Variants in BTBD9 observed in about 807,000 individuals in gnomAD.
BTBD9 encodes BTB/POZ domain-containing protein 9.
Under a neutral mutation model 64.3 loss-of-function variants are expected in BTBD9, and 49 were observed. The ratio of observed to expected loss-of-function variants is 0.76; its 90% CI spans 0.61 to 0.97. The LOEUF is 0.97. Among genes scored for constraint, BTBD9 ranks in the 50% least tolerant of loss-of-function variants. BTBD9 has a pLI of 0.00. For missense variants in BTBD9, 598 were observed against 762.1 expected (o/e 0.78, Z 2.53); for synonymous variants, 260 against 274.7 (o/e 0.95, Z 0.53).
At chr6:38,376,141 A>AT (rs910650884) in intron 6 of BTBD9, among the ~76,000 whole-genome samples, 11 of 152,092 alleles carry the variant, frequency 7.2e-5, no homozygotes, top group Non-Finnish European at 1.6e-4. Flanking sequence ...CCCATGTGGC[A>AT]TTTTTTTCCC....
chr6:38,628,332 T>C (rs183905086), intron 1 of BTBD9, among the ~76,000 whole-genome samples: 3 of 152,330 alleles, frequency 2.0e-5, no homozygotes, highest in Admixed American at 2.0e-4. Flanking sequence ...CTAACTCCTA[T>C]AACTCTGAAT....
chr6:38,511,673 C>A (rs1409980874), intron 6 of BTBD9, among the ~76,000 whole-genome samples: 1 of 151,970 alleles, frequency 6.6e-6, no homozygotes, highest in Non-Finnish European at 1.5e-5. Context: ...TGAATCATAT[C>A]TAAATTATGA....
At chr6:38,556,935 C>T (rs1775050910) in intron 6 of BTBD9, among the ~76,000 whole-genome samples, 1 of 136,812 alleles carries the variant, frequency 7.3e-6, no homozygotes. Flanking sequence ...ATCGCTAGAA[C>T]CTGGGAGGTG....
At chr6:38,244,653 TA>T (rs1764120854) in intron 9 of BTBD9, among the ~76,000 whole-genome samples, 1 of 152,032 alleles carries the variant, frequency 6.6e-6, no homozygotes, top group Non-Finnish European at 1.5e-5. Flanking sequence ...TAAGAGTGGT[TA>T]AAAATAAAGG....
chr6:38,598,245 T>C, intron 1 of BTBD9, 124 bp from the exon 2 acceptor site: 1 of 680,664 alleles, frequency 1.5e-6, no homozygotes, highest in South Asian at 2.2e-5. Flanking sequence ...AGAGAGTTAA[T>C]CAATGGTATC....
intron 6 of BTBD9, among the ~76,000 whole-genome samples, chr6:38,567,667 C>T (rs770264263): frequency 2.6e-5 from 4 of 152,128 alleles, no homozygotes; most frequent in Non-Finnish European, 5.9e-5. Context: ...TTCTGGCAGC[C>T]GACAAGCAAT....
chr6:38,453,566 A>C (rs921971616), intron 6 of BTBD9, among the ~76,000 whole-genome samples: 5 of 152,190 alleles, frequency 3.3e-5, no homozygotes, highest in Non-Finnish European at 7.3e-5. Flanking sequence ...TGGTTTTATC[A>C]CTTTTAAATG....
intron 5 of BTBD9, among the ~76,000 whole-genome samples, chr6:38,578,265 G>A (rs1456142788): frequency 1.3e-5 from 2 of 151,942 alleles, no homozygotes; most frequent in African/African-American, 4.8e-5. Flanking sequence ...CCACATACAA[G>A]CTACCTGCAA....
chr6:38,589,155 A>G (rs984081536), intron 4 of BTBD9, among the ~76,000 whole-genome samples: 5 of 152,182 alleles, frequency 3.3e-5, no homozygotes, highest in African/African-American at 1.2e-4. Context: ...CAAAGTGAAG[A>G]ATTTAACATT....
chr6:38,340,054 C>G (rs911571134), intron 7 of BTBD9, among the ~76,000 whole-genome samples: 1 of 152,034 alleles, frequency 6.6e-6, no homozygotes, highest in Non-Finnish European at 1.5e-5. Flanking sequence ...AAGATTTTAC[C>G]TATGAGGAAA....
chr6:38,177,039 A>G (rs1020339230), intron 10 of BTBD9, among the ~76,000 whole-genome samples: 1 of 152,276 alleles, frequency 6.6e-6, no homozygotes, highest in South Asian at 2.1e-4. Context: ...GCCCACACGC[A>G]GGACTTTTCA....
chr6:38,629,158 AG>A (rs932111035), intron 1 of BTBD9, among the ~76,000 whole-genome samples: 3 of 152,222 alleles, frequency 2.0e-5, no homozygotes, highest in African/African-American at 7.2e-5. Context: ...TAAATGTAAA[AG>A]GAGTGATGGA....
At chr6:38,574,107 G>A (rs1775919439) in intron 6 of BTBD9, among the ~76,000 whole-genome samples, 1 of 152,148 alleles carries the variant, frequency 6.6e-6, no homozygotes, top group Non-Finnish European at 1.5e-5. Context: ...TGGCTACATA[G>A]AGCAATCCCC....
chr6:38,377,899 A>C (rs1171226882), intron 6 of BTBD9, among the ~76,000 whole-genome samples: 1 of 152,222 alleles, frequency 6.6e-6, no homozygotes, highest in Non-Finnish European at 1.5e-5. Context: ...CTTAAAAAGA[A>C]ATCTTTAGAT....
rs75330989 is a variant in BTBD9 at position 38,279,076 on chromosome 6, C to T, written c.1454+9196G>A. Among the ~76,000 whole-genome samples the T allele has an allele frequency of 8.4e-3, 1,272 of 152,212 alleles. 11 individuals are homozygous for T. Among genetic ancestry groups the T allele is most frequent in the South Asian group, 0.034 (163 of 4,822 alleles). Reference sequence around the variant, plus strand: ...GAAAGTTGCTGAAAGGAGTCCTTGACGGGCACCAACCAGCCTGTCATCATA... The same window carrying T: ...GAAAGTTGCTGAAAGGAGTCCTTGATGGGCACCAACCAGCCTGTCATCATA... On this transcript the variant is annotated intron_variant, in intron 8 of 10. Transcript: ENST00000481247.
intron 6 of BTBD9, among the ~76,000 whole-genome samples, chr6:38,523,423 C>G (rs919974351): frequency 3.7e-4 from 57 of 152,134 alleles, no homozygotes; most frequent in Non-Finnish European, 6.0e-4. Flanking sequence ...AAACTCCAGA[C>G]AGTTTGGACT....
chr6:38,189,717 A>C (rs916165331), intron 10 of BTBD9, among the ~76,000 whole-genome samples: 2 of 149,316 alleles, frequency 1.3e-5, no homozygotes, highest in African/African-American at 5.0e-5. Context: ...TCTGTTGCCG[A>C]GGCTGGAGTG....
chr6:38,501,890 T>C (rs1216107822), intron 6 of BTBD9, among the ~76,000 whole-genome samples: 1 of 152,232 alleles, frequency 6.6e-6, no homozygotes, highest in Non-Finnish European at 1.5e-5. Flanking sequence ...TGACATGTAA[T>C]GGGTTTACTG....
intron 1 of BTBD9, among the ~76,000 whole-genome samples, chr6:38,611,420 T>C (rs1582715363): frequency 6.6e-6 from 1 of 152,306 alleles, no homozygotes; most frequent in African/African-American, 2.4e-5. Context: ...GAAATATTTA[T>C]CAAAAGGATG....
Sources: allele counts gnomAD v4.1 joint callset (sites outside exome capture counted in the v4.1 genomes callset), GRCh38; gene constraint gnomAD v4.1.1; transcripts MANE v1.5; gene names NCBI Gene and HGNC (gene_info 2026-07-23, HGNC 2026-07-21).